The following UMAD1 variants were observed in gnomAD, a reference collection of about 807,000 sequenced individuals.
The protein encoded by UMAD1 is UBAP1-MVB12-associated (UMA)-domain containing protein 1.
A neutral mutation model predicts 6.1 loss-of-function variants in UMAD1; 8 were observed. The observed-to-expected ratio is 1.30, with a 90% CI of 0.76 to 2.35. The LOEUF (loss-of-function observed/expected upper bound fraction) is 2.35. UMAD1 is among the 30% of genes most tolerant of loss of function. UMAD1 has a pLI of 0.00. For synonymous variants in UMAD1, 56 were observed against 31.4 expected, an observed-to-expected ratio of 1.78 and a Z score of -2.61; for missense variants, 130 against 78.4, an observed-to-expected ratio of 1.66 and a Z score of -2.49.
intron 3 of UMAD1, among the ~76,000 whole-genome samples, chr7:7,827,799 C>T (rs900225230): frequency 2.0e-5 from 3 of 152,126 alleles, no homozygotes; most frequent in African/African-American, 7.2e-5. Context: ...AGTTCTACCT[C>T]CAATAAGACA....
At chr7:7,835,462 CTTTTTTTTTTTTTTTTTTTTTTTTTTTTT>C (rs150411259) in intron 3 of UMAD1, among the ~76,000 whole-genome samples, 2 of 33,654 alleles carry the variant, frequency 5.9e-5, no homozygotes, top group African/African-American at 2.0e-4. Flanking sequence ...TGAAACAGCA[CTTTTTTTTTTTTTTTTTTTTTTTTTTTTT>C]TTTTTTTTTA....
At chr7:7,655,681 A>G (rs1347079454) in intron 1 of UMAD1, among the ~76,000 whole-genome samples, 1 of 152,242 alleles carries the variant, frequency 6.6e-6, no homozygotes, top group Admixed American at 6.5e-5. Context: ...GATGCTATAT[A>G]TGTGTATGAT....
intron 2 of UMAD1, chr7:7,742,584 A>C (rs1781493688): frequency 2.0e-6 from 1 of 507,016 alleles, no homozygotes; most frequent in Non-Finnish European, 3.9e-6. Flanking sequence ...GGTCAGGACA[A>C]TTTCTAGAAG....
intron 2 of UMAD1, 44 bp downstream of exon 2, chr7:7,673,497 T>C: frequency 1.5e-6 from 1 of 688,228 alleles, no homozygotes; most frequent in Non-Finnish European, 2.6e-6. Context: ...AATTATGTTC[T>C]CTTTAAAAAA....
At chr7:7,749,387 A>T (rs189562033) in intron 2 of UMAD1, among the ~76,000 whole-genome samples, 2 of 152,148 alleles carry the variant, frequency 1.3e-5, no homozygotes, top group South Asian at 4.1e-4. Context: ...CGTGAAAGCT[A>T]TGTGTCTTCT....
At chr7:7,846,445 C>T (rs1783783920) in intron 3 of UMAD1, among the ~76,000 whole-genome samples, 1 of 152,086 alleles carries the variant, frequency 6.6e-6, no homozygotes, top group Non-Finnish European at 1.5e-5. Context: ...AGAGATATTA[C>T]AATTCATACA....
chr7:7,863,264 T>G (rs6463731), intron 3 of UMAD1, among the ~76,000 whole-genome samples: 64,519 of 152,018 alleles, frequency 0.42, 14,606 homozygotes, highest in African/African-American at 0.54. Flanking sequence ...CTCAGAAGAT[T>G]AGAATGAAAT....
chr7:7,649,079 A>T (rs1431483547), intron 1 of UMAD1, among the ~76,000 whole-genome samples: 1 of 145,384 alleles, frequency 6.9e-6, no homozygotes, highest in African/African-American at 2.6e-5. Flanking sequence ...AATCGCTTGA[A>T]CCCAGGAAGT....
At chr7:7,744,138 G>A (rs1015045436) in intron 2 of UMAD1, among the ~76,000 whole-genome samples, 1 of 152,032 alleles carries the variant, frequency 6.6e-6, no homozygotes, top group Non-Finnish European at 1.5e-5. Context: ...TATCTCTATA[G>A]ATTTGCCTGT....
intron 2 of UMAD1, among the ~76,000 whole-genome samples, chr7:7,715,544 T>C (rs368475432): frequency 7.9e-5 from 12 of 152,180 alleles, no homozygotes; most frequent in African/African-American, 2.9e-4. Context: ...CTAGGTGCTG[T>C]GCTGGGTGTT....
At chr7:7,741,323 G>C (rs541654349) in intron 2 of UMAD1, among the ~76,000 whole-genome samples, 2 of 151,604 alleles carry the variant, frequency 1.3e-5, no homozygotes, top group Admixed American at 1.3e-4. Context: ...TGTAATCCCA[G>C]CACTTTGGGA....
At chr7:7,693,220 T>G (rs897122578) in intron 2 of UMAD1, among the ~76,000 whole-genome samples, 1 of 152,200 alleles carries the variant, frequency 6.6e-6, no homozygotes, top group Non-Finnish European at 1.5e-5. Flanking sequence ...GAAATTGTAC[T>G]GTGCTTCTTG....
chr7:7,761,359 T>G (rs1297792076), intron 2 of UMAD1, among the ~76,000 whole-genome samples: 1 of 50,982 alleles, frequency 2.0e-5, no homozygotes, highest in Admixed American at 1.6e-4. Flanking sequence ...AAGTGAGACC[T>G]AACTAAAAAA....
intron 1 of UMAD1, among the ~76,000 whole-genome samples, chr7:7,670,129 A>G (rs28916004): frequency 3.3e-4 from 50 of 152,324 alleles, no homozygotes; most frequent in African/African-American, 1.2e-3. Context: ...GGTTAAAAAC[A>G]GGTTGTTTGT....
At chr7:7,849,708 A>G (rs77222102) in intron 3 of UMAD1, among the ~76,000 whole-genome samples, 255 of 152,300 alleles carry the variant, frequency 1.7e-3, no homozygotes, top group African/African-American at 5.8e-3. Flanking sequence ...AAACTAAACT[A>G]AAATAAAAAT....
At chr7:7,656,722 G>A (rs867229613) in intron 1 of UMAD1, among the ~76,000 whole-genome samples, 2 of 152,072 alleles carry the variant, frequency 1.3e-5, no homozygotes, top group South Asian at 2.1e-4. Flanking sequence ...ATCATTGATC[G>A]GCATTTGGTT....
chr7:7,831,414 T>C (rs1281440856), intron 3 of UMAD1, among the ~76,000 whole-genome samples: 1 of 152,204 alleles, frequency 6.6e-6, no homozygotes, highest in African/African-American at 2.4e-5. Flanking sequence ...GAAGTTCTAT[T>C]TGTTAGCTCC....
intron 2 of UMAD1, among the ~76,000 whole-genome samples, chr7:7,706,892 A>G (rs1583758490): frequency 6.6e-6 from 1 of 152,210 alleles, no homozygotes; most frequent in Non-Finnish European, 1.5e-5. Context: ...TGCAGCACAA[A>G]CATTTGCAGG....
intron 3 of UMAD1, among the ~76,000 whole-genome samples, chr7:7,828,043 A>G (rs1231184303): frequency 1.3e-5 from 2 of 152,182 alleles, no homozygotes; most frequent in African/African-American, 4.8e-5. Context: ...TTATTGGGTA[A>G]TGTTTAAAAA....
Sources: gnomAD v4.1 joint callset for allele counts (sites outside exome capture counted in the v4.1 genomes callset) on GRCh38, gnomAD v4.1.1 for gene constraint, MANE v1.5 for transcripts, NCBI Gene and HGNC (gene_info 2026-07-23, HGNC 2026-07-21) for gene names.